The following DCDC2C variants were observed in gnomAD, a reference collection of about 807,000 sequenced individuals.
DCDC2C encodes doublecortin domain containing 2C.
Under a neutral mutation model 45.0 loss-of-function variants are expected in DCDC2C, and 44 were observed. That is an observed-to-expected ratio of 0.98 (90% CI 0.77 to 1.26). The LOEUF (loss-of-function observed/expected upper bound fraction) is 1.26. Among genes scored for constraint, DCDC2C ranks in the 50% most tolerant of loss-of-function variants. DCDC2C has a pLI of 0.00. For synonymous variants in DCDC2C, 187 were observed against 178.8 expected, an observed-to-expected ratio of 1.05 and a Z score of -0.37; for missense variants, 447 against 468.9, an observed-to-expected ratio of 0.95 and a Z score of 0.43.
chr2:3,730,117 A>G (rs1668820718), intron 3 of DCDC2C, among the ~76,000 whole-genome samples: 1 of 152,194 alleles, frequency 6.6e-6, no homozygotes, highest in South Asian at 2.1e-4. Context: ...CGAGGGTGGT[A>G]TGCATCAGGA....
chr2:3,721,159 T>A (rs1668489134), intron 2 of DCDC2C, among the ~76,000 whole-genome samples: 1 of 152,218 alleles, frequency 6.6e-6, no homozygotes, highest in Non-Finnish European at 1.5e-5. Flanking sequence ...TACAGGTTTA[T>A]TAATTTTATT....
At chr2:3,836,010 C>T (rs1011907535) in intron 10 of DCDC2C, among the ~76,000 whole-genome samples, 4 of 152,160 alleles carry the variant, frequency 2.6e-5, no homozygotes, top group African/African-American at 9.7e-5. Flanking sequence ...TCCCAAAGTG[C>T]TGGGTTTACA....
At chr2:3,757,449 T>G (rs952709169) in intron 6 of DCDC2C, among the ~76,000 whole-genome samples, 3 of 152,190 alleles carry the variant, frequency 2.0e-5, no homozygotes, top group African/African-American at 7.2e-5. Flanking sequence ...GATTTTCTTT[T>G]AAATTTGCAA....
In DCDC2C at chr2:3,728,395, A is replaced by AT. The variant is rs571266210; in HGVS notation, c.416+1320dup. ...AAATAATAAGACACAGTATTTCTGA[A>AT]TTTTGTTAGTGATGTCTTTCCCGCA... On this transcript the variant is annotated intron_variant, in intron 3 of 10. Coordinates refer to ENST00000399143, the MANE Select transcript of DCDC2C (RefSeq NM_001287444.2). Among the ~76,000 whole-genome samples, 789 of 152,308 alleles carry AT rather than the reference A, an allele frequency of 5.2e-3. 7 individuals carry two copies. The highest frequency in any genetic ancestry group is 8.1e-3 in the Non-Finnish European group (549 of 68,028).
chr2:3,790,825 T>C (rs915403548), intron 10 of DCDC2C, among the ~76,000 whole-genome samples: 5 of 152,186 alleles, frequency 3.3e-5, no homozygotes, highest in African/African-American at 1.2e-4. Flanking sequence ...TATTTGGTTC[T>C]AGGCCGGGCG....
At chr2:3,716,668 G>A (rs1668358933) in intron 2 of DCDC2C, among the ~76,000 whole-genome samples, 1 of 152,178 alleles carries the variant, frequency 6.6e-6, no homozygotes, top group Non-Finnish European at 1.5e-5. Flanking sequence ...AATTGATGAT[G>A]TAGGACAAAA....
chr2:3,833,122 C>A (rs2034735), intron 10 of DCDC2C, among the ~76,000 whole-genome samples: 51,936 of 152,096 alleles, frequency 0.34, 8,981 homozygotes, highest in South Asian at 0.4. Context: ...CCCTGCATCC[C>A]TCTGAGCATT....
At chr2:3,821,150 G>T (rs372747577) in intron 10 of DCDC2C, among the ~76,000 whole-genome samples, 1 of 152,140 alleles carries the variant, frequency 6.6e-6, no homozygotes, top group Non-Finnish European at 1.5e-5. Context: ...GCAGGGGCGG[G>T]GGTCACAAGG....
intron 10 of DCDC2C, among the ~76,000 whole-genome samples, chr2:3,819,328 T>C (rs1276727700): frequency 2.6e-5 from 4 of 152,240 alleles, no homozygotes; most frequent in Non-Finnish European, 4.4e-5. Context: ...CTGTGGGCAT[T>C]CCTTGGCCCA....
intron 9 of DCDC2C, 135 bp downstream of exon 9, chr2:3,779,019 G>A (rs1458436178): frequency 1.2e-6 from 1 of 822,706 alleles, no homozygotes; most frequent in East Asian, 2.7e-5. Flanking sequence ...GGAATCGGAA[G>A]CGAGTGCATT....
At chr2:3,813,330 G>A (rs1472095147) in intron 10 of DCDC2C, among the ~76,000 whole-genome samples, 1 of 151,938 alleles carries the variant, frequency 6.6e-6, no homozygotes, top group Admixed American at 6.6e-5. Context: ...GCCTCCCAAA[G>A]CGCTGGGATT....
Position 3,785,045 on chromosome 2 carries a change from T to C in DCDC2C, c.1024-14T>C, listed in dbSNP as rs1171810378. On this transcript the variant is annotated splice_polypyrimidine_tract_variant and intron_variant, in intron 9 of 10. Coordinates refer to ENST00000399143, the MANE Select transcript of DCDC2C (RefSeq NM_001287444.2). ...TTGCGATAGTTGATTCCTATATTTG[T>C]TTTTTCATACTAGGATAAAGAAGAT... is the stretch of plus-strand genomic sequence containing the variant. 5.8e-5 allele frequency: 71 copies of C among 1,231,018 alleles called. No homozygotes were observed. Among genetic ancestry groups the C allele is most frequent in the Non-Finnish European group, 7.1e-5 (70 of 987,448 alleles). 76.3% of individuals were successfully genotyped at this position (1,231,018 alleles called of 1,614,324 possible).
chr2:3,757,033 T>C (rs934976779), intron 6 of DCDC2C, among the ~76,000 whole-genome samples: 2 of 152,256 alleles, frequency 1.3e-5, no homozygotes, highest in Non-Finnish European at 2.9e-5. Flanking sequence ...TCTGCATCTG[T>C]AAAGATGTAT....
intron 4 of DCDC2C, among the ~76,000 whole-genome samples, chr2:3,745,730 C>CT (rs143529157): frequency 6.6e-6 from 1 of 152,048 alleles, no homozygotes; most frequent in Non-Finnish European, 1.5e-5. Flanking sequence ...GAAGACAGTT[C>CT]TTTTTTTAGG....
intron 10 of DCDC2C, among the ~76,000 whole-genome samples, chr2:3,837,792 A>T (rs1046770349): frequency 6.6e-6 from 1 of 152,192 alleles, no homozygotes; most frequent in South Asian, 2.1e-4. Flanking sequence ...TCAGCCGGCC[A>T]GCCGTGTGGA....
chr2:3,822,476 T>A (rs757429119), intron 10 of DCDC2C, among the ~76,000 whole-genome samples: 3 of 152,140 alleles, frequency 2.0e-5, no homozygotes, highest in Non-Finnish European at 4.4e-5. Context: ...CCCTGTACAT[T>A]TCTGATTTTA....
chr2:3,828,402 G>A (rs1023558480), intron 10 of DCDC2C, among the ~76,000 whole-genome samples: 3 of 152,234 alleles, frequency 2.0e-5, no homozygotes, highest in Non-Finnish European at 4.4e-5. Context: ...GCCTCATCAT[G>A]TCAGCTCTGG....
At chr2:3,830,652 G>A (rs1403582669) in intron 10 of DCDC2C, among the ~76,000 whole-genome samples, 1 of 152,168 alleles carries the variant, frequency 6.6e-6, no homozygotes, top group African/African-American at 2.4e-5. Context: ...CACTCCATGT[G>A]GCTGGGCAGG....
chr2:3,821,963 G>A (rs72771286), intron 10 of DCDC2C, among the ~76,000 whole-genome samples: 1,545 of 152,024 alleles, frequency 0.01, 15 homozygotes, highest in Non-Finnish European at 0.017. Context: ...ACCCTAAAGG[G>A]AAACTATGTA....
Sources: gnomAD v4.1 joint callset for allele counts (sites outside exome capture counted in the v4.1 genomes callset) on GRCh38, gnomAD v4.1.1 for gene constraint, MANE v1.5 for transcripts, NCBI Gene and HGNC (gene_info 2026-07-23, HGNC 2026-07-21) for gene names.